The following LYPD6B variants were observed in gnomAD, a reference collection of about 807,000 sequenced individuals.
The protein encoded by LYPD6B is LY6/PLAUR domain containing 6B.
In LYPD6B, 17 loss-of-function variants were observed where a neutral mutation model predicts 22.8. The ratio of observed to expected loss-of-function variants is 0.75; its 90% CI spans 0.51 to 1.12. The LOEUF is 1.12. LYPD6B is among the 50% of genes most tolerant of loss of function. The pLI is 0.00. For synonymous variants in LYPD6B, 106 were observed against 91.6 expected (o/e 1.16, Z -0.90); for missense variants, 221 against 258.3 (o/e 0.86, Z 0.99).
At chr2:149,136,371 G>A (rs1208670761) in intron 2 of LYPD6B, among the ~76,000 whole-genome samples, 4 of 152,154 alleles carry the variant, frequency 2.6e-5, no homozygotes, top group South Asian at 2.1e-4. Context: ...AAGAATTACC[G>A]TGGCTTTTGG....
chr2:149,067,024 A>G (rs1478341683), intron 1 of LYPD6B, among the ~76,000 whole-genome samples: 2 of 152,068 alleles, frequency 1.3e-5, no homozygotes, highest in African/African-American at 4.8e-5. Context: ...ATGAGTACCC[A>G]ATGTTTAGGT....
intron 3 of LYPD6B, among the ~76,000 whole-genome samples, chr2:149,174,683 A>T (rs1373744763): frequency 6.6e-6 from 1 of 151,614 alleles, no homozygotes; most frequent in East Asian, 1.9e-4. Context: ...GATGAATCGC[A>T]TTAATTGATT....
At chr2:149,201,814 C>A (rs1045121909) in intron 3 of LYPD6B, among the ~76,000 whole-genome samples, 1 of 152,132 alleles carries the variant, frequency 6.6e-6, no homozygotes, top group Non-Finnish European at 1.5e-5. Context: ...TATATGGAAG[C>A]AATTTTTGGT....
At chr2:149,213,774 C>G (rs770242701) in intron 6 of LYPD6B, among the ~76,000 whole-genome samples, 1 of 152,160 alleles carries the variant, frequency 6.6e-6, no homozygotes, top group Non-Finnish European at 1.5e-5. Context: ...GGATGCAGGC[C>G]GGCAGGCTCT....
At chr2:149,161,586 C>T (rs56102369) in intron 3 of LYPD6B, 30,483 of 152,140 alleles carry the variant, frequency 0.2, 3,547 homozygotes, top group Non-Finnish European at 0.26. Flanking sequence ...TGTGAGGCTT[C>T]GGGGACTGGG....
At chr2:149,160,901 G>A in intron 3 of LYPD6B, 66 bp downstream of exon 3, 2 of 1,192,268 alleles carry the variant, frequency 1.7e-6, no homozygotes, top group South Asian at 2.6e-5. Context: ...AAGTTGTTGG[G>A]AATGGACTCC....
rs78245248 is a variant in LYPD6B at position 149,095,131 on chromosome 2, A to C, written c.-66-35752A>C. On this transcript the variant is annotated intron_variant, in intron 1 of 6. Transcript: ENST00000409642. ...GCCAACATGGTGAAACCTCGTCTCT[A>C]CTAAAAATATAAAAATTAGCCGGGG... 5.3e-5 allele frequency among the ~76,000 whole-genome samples: 8 copies of C among 152,260 alleles called. No homozygotes were observed. In the East Asian group the frequency reaches 1.4e-3, roughly 26 times the overall value.
At chr2:149,191,271 A>G (rs1306749057) in intron 3 of LYPD6B, among the ~76,000 whole-genome samples, 2 of 152,174 alleles carry the variant, frequency 1.3e-5, no homozygotes, top group Non-Finnish European at 2.9e-5. Flanking sequence ...TAAGATAACA[A>G]CAATTCTTTA....
At chr2:149,153,390 A>G (rs997226518) in intron 2 of LYPD6B, among the ~76,000 whole-genome samples, 16 of 152,118 alleles carry the variant, frequency 1.1e-4, no homozygotes, top group African/African-American at 3.4e-4. Flanking sequence ...GTTCAATGCC[A>G]CTGAAAGCTT....
chr2:149,088,848 T>C (rs910070199), intron 1 of LYPD6B, among the ~76,000 whole-genome samples: 5 of 152,106 alleles, frequency 3.3e-5, no homozygotes, highest in African/African-American at 1.2e-4. Context: ...TTTGTGAAAT[T>C]CTCCTGTTAA....
intron 1 of LYPD6B, among the ~76,000 whole-genome samples, chr2:149,100,416 C>CA (rs58068035): frequency 0.024 from 1,630 of 67,918 alleles, 66 homozygotes; most frequent in South Asian, 0.041. Flanking sequence ...TTGGCTTTGA[C>CA]AAAAAAAAAA....
chr2:149,115,027 C>T lies in LYPD6B; in HGVS notation c.-66-15856C>T, dbSNP rs139635553. 6.3e-3 allele frequency among the ~76,000 whole-genome samples: 954 copies of T among 152,252 alleles called. 12 individuals are homozygous for T. Among genetic ancestry groups the T allele is most frequent in the African/African-American group, 0.021 (873 of 41,526 alleles). On this transcript the variant is annotated intron_variant, in intron 1 of 6. Coordinates refer to ENST00000409642, the MANE Select transcript of LYPD6B (RefSeq NM_177964.5). ...TGGTCTCGGCTCACTGCAGCCTCTG[C>T]CTCCAGGTTCAATTGATTCTCCTGC...
chr2:149,145,318 C>T (rs1048584162), intron 2 of LYPD6B, among the ~76,000 whole-genome samples: 2 of 152,144 alleles, frequency 1.3e-5, no homozygotes, highest in Non-Finnish European at 2.9e-5. Context: ...CATGCAGTTG[C>T]GCTCTTGAGG....
intron 2 of LYPD6B, among the ~76,000 whole-genome samples, chr2:149,154,830 A>G (rs1437811099): frequency 2.0e-5 from 3 of 152,184 alleles, no homozygotes; most frequent in East Asian, 1.9e-4. Context: ...TTTGTGTCCA[A>G]TGCTATATGC....
intron 3 of LYPD6B, among the ~76,000 whole-genome samples, chr2:149,166,203 T>C (rs1471062995): frequency 1.3e-5 from 2 of 152,202 alleles, no homozygotes; most frequent in Non-Finnish European, 1.5e-5. Context: ...TAGCTTTTTG[T>C]TTAAGGACTA....
At chr2:149,124,476 A>G (rs1207327791) in intron 1 of LYPD6B, among the ~76,000 whole-genome samples, 4 of 152,208 alleles carry the variant, frequency 2.6e-5, no homozygotes, top group Admixed American at 6.5e-5. Context: ...AGTGGGCATC[A>G]CACGATACAA....
intron 2 of LYPD6B, 129 bp downstream of exon 2, chr2:149,131,082 A>T (rs1341566558): frequency 1.4e-6 from 1 of 691,760 alleles, no homozygotes; most frequent in African/African-American, 1.8e-5. Context: ...CATTAATCTC[A>T]GGGATTATGC....
chr2:149,166,745 T>C (rs865988364), intron 3 of LYPD6B, among the ~76,000 whole-genome samples: 7 of 152,058 alleles, frequency 4.6e-5, no homozygotes, highest in African/African-American at 1.4e-4. Context: ...CTCATGAGAA[T>C]TTGCATGTTC....
intron 1 of LYPD6B, among the ~76,000 whole-genome samples, chr2:149,089,628 G>A (rs1685555508): frequency 6.6e-6 from 1 of 152,076 alleles, no homozygotes; most frequent in Admixed American, 6.6e-5. Context: ...AATGGATATG[G>A]TAGAAAATTT....
Sources: allele counts gnomAD v4.1 joint callset (sites outside exome capture counted in the v4.1 genomes callset), GRCh38; gene constraint gnomAD v4.1.1; transcripts MANE v1.5; gene names NCBI Gene and HGNC (gene_info 2026-07-23, HGNC 2026-07-21).